The following CA10 variants were observed in gnomAD, a reference collection of about 807,000 sequenced individuals.
CA10 encodes the protein carbonic anhydrase 10 (inactive).
Under a neutral mutation model 44.2 loss-of-function variants are expected in CA10, and 14 were observed. The ratio of observed to expected loss-of-function variants is 0.32; its 90% CI spans 0.21 to 0.50. The LOEUF is 0.50. Ranked by LOEUF, CA10 falls within the 20% of genes least tolerant of loss-of-function variation. The pLI is 0.99. For synonymous variants in CA10, 159 were observed against 141.6 expected, an observed-to-expected ratio of 1.12 and a Z score of -0.87; for missense variants, 350 against 409.7, an observed-to-expected ratio of 0.85 and a Z score of 1.26.
intron 1 of CA10, among the ~76,000 whole-genome samples, chr17:52,141,132 C>A (rs1989469698): frequency 6.6e-6 from 1 of 152,132 alleles, no homozygotes; most frequent in South Asian, 2.1e-4. Flanking sequence ...GAACTGCCAT[C>A]CCAGCACAAA....
intron 4 of CA10, among the ~76,000 whole-genome samples, chr17:51,729,188 A>C (rs1160853587): frequency 1.3e-5 from 2 of 152,106 alleles, no homozygotes; most frequent in Non-Finnish European, 2.9e-5. Flanking sequence ...ACACCTTGCT[A>C]TTCCTCAAAC....
At chr17:52,116,254 T>C (rs1179355196) in intron 1 of CA10, among the ~76,000 whole-genome samples, 1 of 152,194 alleles carries the variant, frequency 6.6e-6, no homozygotes, top group Non-Finnish European at 1.5e-5. Flanking sequence ...TTTTTCCTTT[T>C]AGAAGGTGTT....
intron 3 of CA10, among the ~76,000 whole-genome samples, chr17:51,873,697 T>C (rs1979921561): frequency 6.6e-6 from 1 of 152,334 alleles, no homozygotes; most frequent in East Asian, 1.9e-4. Context: ...GCAATTGTGC[T>C]GGCTGGGGTG....
chr17:51,839,500 CAAAAAAAAAA>C (rs34200978), intron 3 of CA10, among the ~76,000 whole-genome samples: 5 of 36,286 alleles, frequency 1.4e-4, no homozygotes, highest in African/African-American at 3.8e-4. Context: ...GACTCCTTCT[CAAAAAAAAAA>C]AAAAAAAAAA....
At chr17:52,138,842 T>G (rs1426874578) in intron 1 of CA10, among the ~76,000 whole-genome samples, 1 of 152,150 alleles carries the variant, frequency 6.6e-6, no homozygotes, top group Admixed American at 6.5e-5. Flanking sequence ...AATAAAAAAT[T>G]TTTTCTGCTT....
intron 3 of CA10, among the ~76,000 whole-genome samples, chr17:51,921,499 G>T (rs1982231457): frequency 6.6e-6 from 1 of 152,164 alleles, no homozygotes; most frequent in South Asian, 2.1e-4. Context: ...CATAGACAGA[G>T]AAAACTGAAT....
chr17:51,974,327 T>C (rs1984383176), intron 2 of CA10, among the ~76,000 whole-genome samples: 1 of 147,186 alleles, frequency 6.8e-6, no homozygotes, highest in East Asian at 2.0e-4. Flanking sequence ...GAGGTTGCAG[T>C]GAGCCGAGAT....
intron 3 of CA10, among the ~76,000 whole-genome samples, chr17:51,753,425 C>A (rs1944958522): frequency 6.6e-6 from 1 of 152,094 alleles, no homozygotes; most frequent in South Asian, 2.1e-4. Flanking sequence ...TTTTTTCATT[C>A]TGGTGACACT....
intron 2 of CA10, among the ~76,000 whole-genome samples, chr17:52,066,229 C>T (rs1035017960): frequency 6.6e-6 from 1 of 152,132 alleles, no homozygotes; most frequent in African/African-American, 2.4e-5. Flanking sequence ...GGGTAACAGG[C>T]AGAGGTTGGA....
intron 4 of CA10, among the ~76,000 whole-genome samples, chr17:51,712,802 T>C (rs1415891456): frequency 6.6e-6 from 1 of 152,256 alleles, no homozygotes; most frequent in Non-Finnish European, 1.5e-5. Flanking sequence ...ACACTTACTA[T>C]ACTACCTCTC....
intron 4 of CA10, among the ~76,000 whole-genome samples, chr17:51,683,498 G>T (rs1914911695): frequency 6.6e-6 from 1 of 152,156 alleles, no homozygotes; most frequent in African/African-American, 2.4e-5. Context: ...TTTGCAAATG[G>T]TAAAGCCGCC....
chr17:52,022,093 T>A (rs1367245887), intron 2 of CA10, among the ~76,000 whole-genome samples: 2 of 152,014 alleles, frequency 1.3e-5, no homozygotes, highest in Non-Finnish European at 2.9e-5. Context: ...GACTCCTCCC[T>A]AATTCATTTG....
intron 3 of CA10, among the ~76,000 whole-genome samples, chr17:51,859,036 C>A (rs1979180318): frequency 6.6e-6 from 1 of 151,294 alleles, no homozygotes; most frequent in African/African-American, 2.4e-5. Flanking sequence ...AGTAAGTGCC[C>A]AATGTTAGTT....
chr17:52,088,416 A>T (rs1326187457), intron 1 of CA10, among the ~76,000 whole-genome samples: 1 of 152,082 alleles, frequency 6.6e-6, no homozygotes, highest in Non-Finnish European at 1.5e-5. Flanking sequence ...TAGAAAAGTG[A>T]CTCTAGAGGA....
intron 2 of CA10, among the ~76,000 whole-genome samples, chr17:52,039,521 G>T (rs1389516371): frequency 6.6e-6 from 1 of 151,994 alleles, no homozygotes; most frequent in Non-Finnish European, 1.5e-5. Flanking sequence ...GATCATCTCT[G>T]CTACCCATAT....
chr17:51,896,457 TACC>T (rs1386675969), intron 3 of CA10, among the ~76,000 whole-genome samples: 5 of 152,148 alleles, frequency 3.3e-5, no homozygotes, highest in Admixed American at 6.6e-5. Flanking sequence ...GGTGTATAAG[TACC>T]ACATTTTCTT....
intron 3 of CA10, among the ~76,000 whole-genome samples, chr17:51,901,553 T>G (rs1981317349): frequency 6.6e-6 from 1 of 151,742 alleles, no homozygotes; most frequent in African/African-American, 2.4e-5. Context: ...CCAGTGGGAG[T>G]AGGGTGTCAG....
chr17:52,052,788 A>T (rs1005156411), intron 2 of CA10, among the ~76,000 whole-genome samples: 1 of 152,140 alleles, frequency 6.6e-6, no homozygotes, highest in Non-Finnish European at 1.5e-5. Context: ...TAACTAGAGT[A>T]CAACCTATGA....
At chr17:51,903,540 T>C (rs948970676) in intron 3 of CA10, among the ~76,000 whole-genome samples, 4 of 152,224 alleles carry the variant, frequency 2.6e-5, no homozygotes, top group African/African-American at 9.6e-5. Flanking sequence ...ACAGTGTTCA[T>C]AGTAAAACAT....
Sources: gnomAD v4.1 joint callset for allele counts (sites outside exome capture counted in the v4.1 genomes callset) on GRCh38, gnomAD v4.1.1 for gene constraint, MANE v1.5 for transcripts, NCBI Gene and HGNC (gene_info 2026-07-23, HGNC 2026-07-21) for gene names.